The following PANK2 variants were observed in gnomAD, a reference collection of about 807,000 sequenced individuals.
PANK2 encodes the protein pantothenate kinase 2, mitochondrial.
A neutral mutation model predicts 43.1 loss-of-function variants in PANK2; 36 were observed. The ratio of observed to expected loss-of-function variants is 0.84; its 90% CI spans 0.64 to 1.10. The LOEUF is 1.10. PANK2 is among the 50% of genes least tolerant of loss of function. The pLI is 0.00. For synonymous variants in PANK2, 281 were observed against 238.2 expected (o/e 1.18, Z -1.66); for missense variants, 576 against 593.3 (o/e 0.97, Z 0.30).
chr20:3,907,489 G>T (rs1247529748), intron 1 of PANK2, among the ~76,000 whole-genome samples: 1 of 152,082 alleles, frequency 6.6e-6, no homozygotes, highest in African/African-American at 2.4e-5. Flanking sequence ...ACCATTGGAG[G>T]TTATATGTTA....
At chr20:3,910,368 G>A (rs556408501) in intron 2 of PANK2, among the ~76,000 whole-genome samples, 6 of 150,726 alleles carry the variant, frequency 4.0e-5, no homozygotes, top group African/African-American at 1.5e-4. Flanking sequence ...TCTATGTAGA[G>A]TGTATTTGGG....
chr20:3,910,581 G>C lies in PANK2; in HGVS notation c.656G>C (p.Gly219Ala), dbSNP rs1211232394. ...TACATTCTTATTTCATTACAGATAGGTGATCTTCAGCTTTGCAAACTGGAT... is the reference window on the plus strand; with the variant it reads ...TACATTCTTATTTCATTACAGATAGCTGATCTTCAGCTTTGCAAACTGGAT... Residue 219 changes from glycine to alanine, a missense_variant, in exon 3 of 7, where the codon GGT (glycine) becomes GCT (alanine). Gly to Ala is a moderately conservative substitution (Grantham distance 60, BLOSUM62 0). Transcript: ENST00000610179. The C allele has an allele frequency of 1.9e-6, 3 of 1,614,020 alleles. No homozygotes were observed. In the Admixed American group the frequency reaches 5.0e-5, roughly 27 times the overall value.
Position 3,910,317 on chromosome 20 carries a change from G to GA in PANK2, c.652-260_652-259insA, listed in dbSNP as rs1555788191. ...GTGGTTTTTTTTTTTTGTTTTTTTT[G>GA]TTTTTTTTTTGGTCACACTTATTCA... is the stretch of plus-strand genomic sequence containing the variant. On this transcript the variant is annotated intron_variant, in intron 2 of 6. Coordinates refer to ENST00000610179, the MANE Select transcript of PANK2 (RefSeq NM_001386393.1). Among the ~76,000 whole-genome samples the GA allele has an allele frequency of 1.8e-3, 240 of 132,500 alleles. 1 individual carries two copies. Among genetic ancestry groups the GA allele is most frequent in the Middle Eastern group, 7.5e-3 (2 of 268 alleles). 86.9% of individuals were successfully genotyped at this position (132,500 alleles called of 152,430 possible). A position where few individuals can be genotyped will look rare whatever the true frequency, so the allele number is the denominator to read the frequency against.
intron 1 of PANK2, among the ~76,000 whole-genome samples, chr20:3,892,398 T>A (rs891932338): frequency 2.0e-5 from 3 of 150,732 alleles, no homozygotes; most frequent in African/African-American, 7.3e-5. Context: ...CCTCCTAGAG[T>A]ATACTTCAGT....
intron 4 of PANK2, among the ~76,000 whole-genome samples, chr20:3,913,426 C>A (rs1434752773): frequency 2.0e-5 from 3 of 152,008 alleles, no homozygotes; most frequent in Admixed American, 6.6e-5. Flanking sequence ...TCACCACAAC[C>A]CCCACCTCCC....
intron 1 of PANK2, among the ~76,000 whole-genome samples, chr20:3,905,804 C>A (rs944824974): frequency 6.6e-6 from 1 of 150,378 alleles, no homozygotes; most frequent in African/African-American, 2.5e-5. Flanking sequence ...AAACCTCCAC[C>A]TCCCGGGTTC....
chr20:3,922,833 T>C (rs1171464539), intron 6 of PANK2, among the ~76,000 whole-genome samples: 2 of 152,190 alleles, frequency 1.3e-5, no homozygotes, highest in African/African-American at 4.8e-5. Flanking sequence ...TTCACCTGTT[T>C]CATTGCACTT....
chr20:3,915,295 ATTTTTTTCTT>A (rs2090540717), intron 4 of PANK2, among the ~76,000 whole-genome samples: 1 of 151,012 alleles, frequency 6.6e-6, no homozygotes, highest in Admixed American at 6.6e-5. Context: ...GTGTGTGTGT[ATTTTTTTCTT>A]TTTTTCTTTT....
chr20:3,914,610 TTG>T (rs1365509618), intron 4 of PANK2, among the ~76,000 whole-genome samples: 1 of 151,552 alleles, frequency 6.6e-6, no homozygotes, highest in Non-Finnish European at 1.5e-5. Context: ...AACATTTTTT[TTG>T]TGTGTGTGGC....
In PANK2 at chr20:3,927,158, C is replaced by A. The variant is rs951775419; in HGVS notation, c.*3864C>A. On this transcript the variant is annotated 3_prime_UTR_variant, in exon 7 of 7. Coordinates refer to ENST00000610179, the MANE Select transcript of PANK2 (RefSeq NM_001386393.1). ...CCCCACCCCCGCTTGCACACTATGCCACAGGAAGGGCAGGGGCTTCCATCA... is the reference window on the plus strand; with the variant it reads ...CCCCACCCCCGCTTGCACACTATGCAACAGGAAGGGCAGGGGCTTCCATCA... Among the ~76,000 whole-genome samples, 1 of 152,204 alleles carries A rather than the reference C, an allele frequency of 6.6e-6. No individual in the cohort carries two copies. Among genetic ancestry groups the A allele is most frequent in the East Asian group, 1.9e-4 (1 of 5,172 alleles).
upstream of PANK2, chr20:3,889,180 T>C (rs2090065852): frequency 6.2e-7 from 1 of 1,609,900 alleles, no homozygotes; most frequent in Non-Finnish European, 8.5e-7. Flanking sequence ...CACCGCCTTC[T>C]CTTCCTCCGC....
At chr20:3,888,966 C>A, upstream of PANK2, 1 of 698,834 alleles carries the variant, frequency 1.4e-6, no homozygotes. Context: ...TGCGGGAGCA[C>A]TGCTGGGCTG....
chr20:3,899,645 G>C (rs1338979076), intron 1 of PANK2, among the ~76,000 whole-genome samples: 1 of 147,828 alleles, frequency 6.8e-6, no homozygotes, highest in East Asian at 2.0e-4. Flanking sequence ...CTCTGTTAGT[G>C]TTTTCGAAGT....
At chr20:3,895,874 C>A (rs191768398) in intron 1 of PANK2, among the ~76,000 whole-genome samples, 15 of 152,056 alleles carry the variant, frequency 9.9e-5, no homozygotes, top group Admixed American at 4.6e-4. Flanking sequence ...AGTATCTAGT[C>A]CCTGAGTTTA....
At chr20:3,903,439 C>T (rs1379761472) in intron 1 of PANK2, among the ~76,000 whole-genome samples, 3 of 150,012 alleles carry the variant, frequency 2.0e-5, no homozygotes, top group African/African-American at 4.9e-5. Context: ...TGAGCCACGA[C>T]GCCCGGCTTT....
chr20:3,903,718 C>G (rs1400456007), intron 1 of PANK2, among the ~76,000 whole-genome samples: 2 of 150,128 alleles, frequency 1.3e-5, no homozygotes, highest in African/African-American at 4.9e-5. Context: ...GCCTCCATCT[C>G]CTGGGATCAA....
chr20:3,889,229 C>T (rs111964495), upstream of PANK2: 9 of 1,613,174 alleles, frequency 5.6e-6, no homozygotes, highest in African/African-American at 9.3e-5. Flanking sequence ...TCTCCCCGCC[C>T]CGTCACGATA....
At chr20:3,915,679 A>C (rs2090548741) in intron 4 of PANK2, among the ~76,000 whole-genome samples, 1 of 152,158 alleles carries the variant, frequency 6.6e-6, no homozygotes, top group African/African-American at 2.4e-5. Context: ...CTCCAAGTTC[A>C]TTTCTTTTTG....
chr20:3,896,557 A>G (rs1206743435), intron 1 of PANK2, among the ~76,000 whole-genome samples: 4 of 152,196 alleles, frequency 2.6e-5, no homozygotes, highest in Non-Finnish European at 1.5e-5. Flanking sequence ...GGAAAGAACA[A>G]GACAGGATTA....
Sources: gnomAD v4.1 joint callset for allele counts (sites outside exome capture counted in the v4.1 genomes callset) on GRCh38, gnomAD v4.1.1 for gene constraint, MANE v1.5 for transcripts, NCBI Gene and HGNC (gene_info 2026-07-23, HGNC 2026-07-21) for gene names.